The following SCN10A variants were observed in gnomAD, a reference collection of about 807,000 sequenced individuals.
SCN10A encodes the protein sodium voltage-gated channel alpha subunit 10.
A neutral mutation model predicts 170.7 loss-of-function variants in SCN10A; 162 were observed. The ratio of observed to expected loss-of-function variants is 0.95; its 90% CI spans 0.84 to 1.08. The LOEUF (loss-of-function observed/expected upper bound fraction) is 1.08, where lower values mean the gene tolerates loss of function less well. SCN10A is among the 50% of genes least tolerant of loss of function. The pLI, the probability that SCN10A is intolerant of heterozygous loss-of-function variation, is 0.00. For synonymous variants in SCN10A, 985 were observed against 904.6 expected, an observed-to-expected ratio of 1.09 and a Z score of -1.59; for missense variants, 2,527 against 2,436.9, an observed-to-expected ratio of 1.04 and a Z score of -0.78.
chr3:38,783,705 T>C (rs528905838), intron 4 of SCN10A, among the ~76,000 whole-genome samples: 131 of 152,222 alleles, frequency 8.6e-4, no homozygotes, highest in African/African-American at 3.1e-3. Flanking sequence ...TACATATTTC[T>C]GTTAAACATA....
Position 38,756,266 on chromosome 3 carries a change from T to G in SCN10A, c.1291-308A>C, listed in dbSNP as rs116628149. Reference sequence around the variant, plus strand: ...CAGCATTCTACAAAAAAAGTCTCTTTTGGCTGCCTGCTTCTGGGATAGGTA... The same window carrying G: ...CAGCATTCTACAAAAAAAGTCTCTTGTGGCTGCCTGCTTCTGGGATAGGTA... On this transcript the variant is annotated intron_variant, in intron 10 of 27. Transcript: ENST00000449082. Among the ~76,000 whole-genome samples, 2,325 of 152,086 alleles carry G rather than the reference T, an allele frequency of 0.015. 60 individuals are homozygous for G. Among genetic ancestry groups the G allele is most frequent in the African/African-American group, 0.053 (2,206 of 41,426 alleles).
intron 8 of SCN10A, among the ~76,000 whole-genome samples, chr3:38,757,959 T>C (rs1173837054): frequency 6.6e-6 from 1 of 152,248 alleles, no homozygotes; most frequent in African/African-American, 2.4e-5. Flanking sequence ...TCATCCACCC[T>C]AGCAGAGATG....
intron 21 of SCN10A, among the ~76,000 whole-genome samples, chr3:38,718,112 C>T (rs948477989): frequency 6.6e-6 from 1 of 152,196 alleles, no homozygotes; most frequent in Non-Finnish European, 1.5e-5. Flanking sequence ...CATGGCTGCA[C>T]CTTGGAAATG....
chr3:38,803,597 A>T (rs1261174021), intron 1 of SCN10A, among the ~76,000 whole-genome samples: 3 of 147,556 alleles, frequency 2.0e-5, no homozygotes, highest in Admixed American at 1.4e-4. Context: ...GGGAATTGAA[A>T]AATGAGAACA....
chr3:38,799,060 G>T (rs777829515), intron 1 of SCN10A, among the ~76,000 whole-genome samples: 1 of 152,090 alleles, frequency 6.6e-6, no homozygotes, highest in Non-Finnish European at 1.5e-5. Context: ...TAGGATTCTG[G>T]CATGAGCCAC....
chr3:38,718,166 G>A (rs924521111), intron 21 of SCN10A, among the ~76,000 whole-genome samples: 8 of 152,220 alleles, frequency 5.3e-5, no homozygotes, highest in African/African-American at 1.4e-4. Flanking sequence ...CACCACCCAA[G>A]ACCAATAAGA....
At chr3:38,815,854 T>C (rs1195653064) in intron 1 of SCN10A, among the ~76,000 whole-genome samples, 183 bp downstream of exon 1, 1 of 152,248 alleles carries the variant, frequency 6.6e-6, no homozygotes, top group African/African-American at 2.4e-5. Context: ...GAGTCTTCTA[T>C]GCATATAGAT....
intron 15 of SCN10A, among the ~76,000 whole-genome samples, chr3:38,730,348 T>C (rs1258741135): frequency 6.6e-6 from 1 of 152,218 alleles, no homozygotes; most frequent in Non-Finnish European, 1.5e-5. Flanking sequence ...AAGTTGAGAA[T>C]TTAATTTAGA....
intron 21 of SCN10A, among the ~76,000 whole-genome samples, chr3:38,716,182 T>C (rs2063332125): frequency 1.3e-5 from 2 of 152,130 alleles, no homozygotes; most frequent in African/African-American, 2.4e-5. Context: ...TGTTAATATG[T>C]TCCACTATAG....
At chr3:38,763,953 A>T (rs2063904352) in intron 5 of SCN10A, among the ~76,000 whole-genome samples, 1 of 152,172 alleles carries the variant, frequency 6.6e-6, no homozygotes, top group South Asian at 2.1e-4. Context: ...TGACAGGCTA[A>T]CTGTTATCTC....
In SCN10A at chr3:38,723,540, G is replaced by C. The variant is rs757496015; in HGVS notation, c.3242C>G (p.Thr1081Arg). The change falls in exon 19 of 28, where the codon ACA becomes AGA. Residue 1081 changes from threonine to arginine, a missense_variant. Coordinates refer to ENST00000449082, the MANE Select transcript of SCN10A (RefSeq NM_006514.4). ...CACCGTGCTGCCCTCAGAGGAGCTT[G>C]TGTCGTCCACTCCCTGCAGGGGAGA... ...PQVPAEGVDD[T>R]SSSEGSTVDC... is the part of the protein sequence containing the mutation. 2 of 1,598,652 alleles carry C rather than the reference G, an allele frequency of 1.3e-6. No individual in the cohort carries two copies. Among genetic ancestry groups the C allele is most frequent in the South Asian group, 2.2e-5 (2 of 89,352 alleles).
intron 15 of SCN10A, among the ~76,000 whole-genome samples, chr3:38,735,794 A>T (rs577224235): frequency 6.6e-6 from 1 of 152,346 alleles, no homozygotes; most frequent in South Asian, 2.1e-4. Context: ...AGGAAGACAG[A>T]CTTTTTATTT....
chr3:38,767,845 C>T lies in SCN10A; in HGVS notation c.599+3434G>A, dbSNP rs73064510. On this transcript the variant is annotated intron_variant, in intron 5 of 27. Transcript: ENST00000449082. ...TAGTGCTGTCAGTGGAATATTGATCCCCCACTATTATTATATTGCTGTCTA... is the reference window on the plus strand; with the variant it reads ...TAGTGCTGTCAGTGGAATATTGATCTCCCACTATTATTATATTGCTGTCTA... 3.8e-3 allele frequency among the ~76,000 whole-genome samples: 575 copies of T among 151,902 alleles called. 6 individuals carry two copies. Among genetic ancestry groups the T allele is most frequent in the Middle Eastern group, 0.02 (6 of 294 alleles).
chr3:38,701,823 G>GT lies in SCN10A; in HGVS notation c.4657+15dup. On this transcript the variant is annotated intron_variant, in intron 27 of 27. Transcript: ENST00000449082. ...AACAGAGGTGGGGCTTCCCCACCAC[G>GT]TGGCTGCCCACTTACTCGCAATGGA... 6.3e-7 allele frequency: 1 copy of GT among 1,583,264 alleles called. No individual in the cohort carries two copies. The highest frequency in any genetic ancestry group is 1.2e-5 in the South Asian group (1 of 85,584).
intron 4 of SCN10A, among the ~76,000 whole-genome samples, chr3:38,781,915 G>A (rs2064143557): frequency 6.6e-6 from 1 of 151,916 alleles, no homozygotes; most frequent in South Asian, 2.1e-4. Context: ...TTACTAAAGA[G>A]TTTGTATCTT....
chr3:38,724,193 C>T (rs190298288), intron 18 of SCN10A, among the ~76,000 whole-genome samples: 6 of 152,292 alleles, frequency 3.9e-5, no homozygotes, highest in African/African-American at 1.4e-4. Context: ...CCCCAAATCC[C>T]GTCCCAGCCC....
chr3:38,795,341 CTTTTTCTT>C (rs1403424812), intron 1 of SCN10A, among the ~76,000 whole-genome samples: 1 of 127,876 alleles, frequency 7.8e-6, no homozygotes, highest in Admixed American at 8.1e-5. Flanking sequence ...TTTTCTTTTT[CTTTTTCTT>C]TTTTTTTTTT....
chr3:38,760,009 A>G (rs970907674), intron 8 of SCN10A, among the ~76,000 whole-genome samples: 4 of 152,222 alleles, frequency 2.6e-5, no homozygotes, highest in Non-Finnish European at 4.4e-5. Flanking sequence ...GACACAAATA[A>G]GTATTGGTTC....
At chr3:38,746,145 A>G (rs1323406261) in intron 13 of SCN10A, among the ~76,000 whole-genome samples, 2 of 142,908 alleles carry the variant, frequency 1.4e-5, no homozygotes, top group Non-Finnish European at 3.0e-5. Flanking sequence ...TCCTAAAGTC[A>G]ACTTCCTACT....
Sources: gnomAD v4.1 joint callset for allele counts (sites outside exome capture counted in the v4.1 genomes callset) on GRCh38, gnomAD v4.1.1 for gene constraint, MANE v1.5 for transcripts, NCBI Gene and HGNC (gene_info 2026-07-23, HGNC 2026-07-21) for gene names.